The following SERGEF variants were observed in gnomAD, a reference collection of about 807,000 sequenced individuals.
The protein encoded by SERGEF is secretion regulating guanine nucleotide exchange factor.
Under a neutral mutation model 50.0 loss-of-function variants are expected in SERGEF, and 51 were observed. The observed-to-expected ratio is 1.02, with a 90% confidence interval of 0.81 to 1.29. SERGEF has a LOEUF of 1.29. SERGEF is among the 50% of genes most tolerant of loss of function. SERGEF has a pLI of 0.00. For missense variants in SERGEF, 521 were observed against 557.0 expected, an observed-to-expected ratio of 0.94 and a Z score of 0.65; for synonymous variants, 205 against 212.4, an observed-to-expected ratio of 0.97 and a Z score of 0.30.
In SERGEF at chr11:17,926,711, A is replaced by G. The variant is rs956239189; in HGVS notation, c.1011+32759T>C. 9 of 455,386 alleles carry G rather than the reference A, an allele frequency of 2.0e-5. No individual in the cohort carries two copies. In the Admixed American group the frequency reaches 2.1e-4, roughly 11 times the overall value. 28.2% of individuals were successfully genotyped at this position (455,386 alleles called of 1,614,324 possible). On this transcript the variant is annotated intron_variant, in intron 9 of 10. Coordinates refer to ENST00000265965, the MANE Select transcript of SERGEF (RefSeq NM_012139.4). ...CTCTATCTGAATCCCCACCTAATAA[A>G]CCGTTTCACCAAGACCAGAGTCCTA...
chr11:17,872,055 A>C (rs1050913795), intron 10 of SERGEF, among the ~76,000 whole-genome samples: 1 of 152,252 alleles, frequency 6.6e-6, no homozygotes, highest in Non-Finnish European at 1.5e-5. Flanking sequence ...ATATTTATAC[A>C]GTAGAATATT....
intron 10 of SERGEF, among the ~76,000 whole-genome samples, chr11:17,792,660 C>T (rs1435973172): frequency 1.3e-5 from 2 of 152,290 alleles, no homozygotes; most frequent in African/African-American, 4.8e-5. Flanking sequence ...GTTAGGTGCT[C>T]TGTGTACTTT....
In SERGEF at chr11:17,991,950, A is replaced by G. The variant is rs145385229; in HGVS notation, c.685+981T>C. 1.6e-3 allele frequency among the ~76,000 whole-genome samples: 250 copies of G among 152,356 alleles called. 4 individuals carry two copies. In the East Asian group the frequency reaches 0.038, roughly 23 times the overall value. On this transcript the variant is annotated intron_variant, in intron 7 of 10. Transcript: ENST00000265965. This position sits in a 1 kb window ranked among gnomAD's most constrained non-coding sequence, Gnocchi z 4.9. ...TCTGTGAGAGGTCTTACCAAACAAA[A>G]TATTATAAATCTCTCAGATGTATAG...
chr11:17,810,016 G>C (rs1246795528), intron 10 of SERGEF, among the ~76,000 whole-genome samples: 2 of 152,134 alleles, frequency 1.3e-5, no homozygotes, highest in African/African-American at 4.8e-5. Flanking sequence ...GAGTGAGAAG[G>C]AAAGGACCTG....
intron 10 of SERGEF, among the ~76,000 whole-genome samples, chr11:17,815,312 G>C (rs1849950395): frequency 6.6e-6 from 1 of 151,950 alleles, no homozygotes; most frequent in Non-Finnish European, 1.5e-5. Context: ...TTTAAAAACT[G>C]ACCTGGCCGG....
At chr11:17,939,824 C>T (rs1279000699) in intron 9 of SERGEF, among the ~76,000 whole-genome samples, 1 of 152,232 alleles carries the variant, frequency 6.6e-6, no homozygotes, top group Non-Finnish European at 1.5e-5. Context: ...CTGTTCTATT[C>T]TAGACTTGGC....
At position 17,871,105 on chromosome 11, in the gene SERGEF, T is replaced by C. The variant is rs559945145; in HGVS notation, c.1048+7103A>G. 2.6e-5 allele frequency among the ~76,000 whole-genome samples: 4 copies of C among 152,314 alleles called. No homozygotes were observed. The South Asian group carries it at 8.3e-4, about 32-fold the overall frequency. On this transcript the variant is annotated intron_variant, in intron 10 of 10. Coordinates refer to ENST00000265965, the MANE Select transcript of SERGEF (RefSeq NM_012139.4). ...AAGACATAAGAATACTTTCATGATC[T>C]TGGAATGAGTAAAAATGTCTTAAGT...
At chr11:17,804,746 T>C (rs1849727862) in intron 10 of SERGEF, among the ~76,000 whole-genome samples, 1 of 152,242 alleles carries the variant, frequency 6.6e-6, no homozygotes, top group African/African-American at 2.4e-5. Context: ...TTATTATTAC[T>C]ACCATTAGTG....
chr11:17,799,041 G>A (rs555531932), intron 10 of SERGEF, among the ~76,000 whole-genome samples: 43 of 152,330 alleles, frequency 2.8e-4, no homozygotes, highest in African/African-American at 1.0e-3. Context: ...AATCCCTTCA[G>A]GTGTTGCTCT....
intron 9 of SERGEF, among the ~76,000 whole-genome samples, chr11:17,880,492 T>C (rs975067433): frequency 6.6e-6 from 1 of 152,184 alleles, no homozygotes; most frequent in African/African-American, 2.4e-5. Flanking sequence ...ATTCATGATA[T>C]GAAAAATTAC....
At chr11:17,834,330 C>T (rs1241504492) in intron 10 of SERGEF, among the ~76,000 whole-genome samples, 2 of 152,130 alleles carry the variant, frequency 1.3e-5, no homozygotes, top group South Asian at 2.1e-4. Flanking sequence ...CTTCCTCAGT[C>T]ACATGAAACT....
chr11:17,994,337 G>A lies in SERGEF; in HGVS notation c.623-1344C>T, dbSNP rs567735424. ...AAAAATACAAAAAAATTAGCCAGGC[G>A]TGGTGGCAGGCGCCAGTAGTCCCAG... On this transcript the variant is annotated intron_variant, in intron 6 of 10. Coordinates refer to ENST00000265965, the MANE Select transcript of SERGEF (RefSeq NM_012139.4). 4.3e-4 allele frequency among the ~76,000 whole-genome samples: 66 copies of A among 152,038 alleles called. No homozygotes were observed. The South Asian group carries it at 7.9e-3, about 18-fold the overall frequency.
rs915742346 is a variant in SERGEF at position 17,959,565 on chromosome 11, C to G, written c.916G>C (p.Gly306Arg). Reference sequence around the variant, plus strand: ...GAATCTTGCTTTTCTAGTTTCCAGCCTTCATAAGTCTCCAACTTCCTCCCT... The same window carrying G: ...GAATCTTGCTTTTCTAGTTTCCAGCGTTCATAAGTCTCCAACTTCCTCCCT... ...QLGRKLETYE[G>R]WKLEKQDSFL... Residue 306 changes from glycine to arginine, a missense_variant, in exon 9 of 11, where the codon GGC (glycine) becomes CGC (arginine). Gly to Arg is a moderately radical substitution (Grantham distance 125). Transcript: ENST00000265965. 6.8e-6 allele frequency: 11 copies of G among 1,614,010 alleles called. No homozygotes were observed. The highest frequency in any genetic ancestry group is 5.0e-5 in the Admixed American group (3 of 60,000).
chr11:17,999,889 T>C (rs776528544), intron 5 of SERGEF, among the ~76,000 whole-genome samples: 1 of 152,202 alleles, frequency 6.6e-6, no homozygotes, highest in Non-Finnish European at 1.5e-5. Flanking sequence ...TTTCTTCACA[T>C]GTAAAATGTA....
chr11:17,884,261 G>A lies in SERGEF; in HGVS notation c.1012-6017C>T, dbSNP rs1460226708. 6.6e-6 allele frequency among the ~76,000 whole-genome samples: 1 copy of A among 152,242 alleles called. No homozygotes were observed. The highest frequency in any genetic ancestry group is 1.5e-5 in the Non-Finnish European group (1 of 68,038). On this transcript the variant is annotated intron_variant, in intron 9 of 10. Coordinates refer to ENST00000265965, the MANE Select transcript of SERGEF (RefSeq NM_012139.4). The surrounding 1 kb of genome is among the most constrained non-coding windows in gnomAD (Gnocchi z 4.6). ...AAGGGGAGTAACGGGGTTTAGGTTG[G>A]TACGGTACTGGGTTATGCTCTGTGC...
At position 17,877,860 on chromosome 11, in the gene SERGEF, G is replaced by A. The variant is rs184934249; in HGVS notation, c.1048+348C>T. The A allele has an allele frequency of 2.6e-3, 498 of 193,932 alleles. 5 individuals are homozygous for A. Among genetic ancestry groups the A allele is most frequent in the African/African-American group, 9.7e-3 (414 of 42,668 alleles). The allele number at this position is 193,932 out of a possible 1,614,324, so 12.0% of individuals were successfully genotyped here. On this transcript the variant is annotated intron_variant, in intron 10 of 10. Transcript: ENST00000265965. ...CCAATAGGAAAGAACTTAGAATGGG[G>A]ATTTATTCGAAAAACCAGAAGCAGT...
chr11:17,931,399 A>G (rs1370741002), intron 9 of SERGEF, among the ~76,000 whole-genome samples: 1 of 152,182 alleles, frequency 6.6e-6, no homozygotes, highest in African/African-American at 2.4e-5. Context: ...CCTTTTTCTT[A>G]CAGAAACACT....
chr11:17,915,895 G>C (rs1353514458), intron 9 of SERGEF, among the ~76,000 whole-genome samples: 1 of 152,252 alleles, frequency 6.6e-6, no homozygotes, highest in Non-Finnish European at 1.5e-5. Flanking sequence ...GCCAGTGGCT[G>C]GAAAACCAGG....
intron 10 of SERGEF, among the ~76,000 whole-genome samples, chr11:17,811,873 C>T (rs1036570299): frequency 1.3e-5 from 2 of 152,320 alleles, no homozygotes; most frequent in African/African-American, 4.8e-5. Flanking sequence ...CACAGATGTA[C>T]GTGCCACCAG....
Sources: gnomAD v4.1 joint callset for allele counts (sites outside exome capture counted in the v4.1 genomes callset) on GRCh38, gnomAD v4.1.1 for gene constraint, Gnocchi (gnomAD v3.1) non-coding constraint, MANE v1.5 for transcripts, NCBI Gene and HGNC (gene_info 2026-07-23, HGNC 2026-07-21) for gene names.